The following NYAP2 variants were observed in gnomAD, a reference collection of about 807,000 sequenced individuals.
The protein encoded by NYAP2 is neuronal tyrosine-phosphorylated phosphoinositide-3-kinase adaptor 2.
NYAP2 carries 23 observed loss-of-function variants against 50.4 expected under a neutral mutation model. That is an observed-to-expected ratio of 0.46 (90% confidence interval 0.33 to 0.65). The LOEUF (loss-of-function observed/expected upper bound fraction) is 0.65, where lower values mean the gene tolerates loss of function less well. Ranked by LOEUF, NYAP2 falls within the 30% of genes least tolerant of loss-of-function variation. The pLI, the probability that NYAP2 is intolerant of heterozygous loss-of-function variation, is 0.02. For missense variants in NYAP2, 885 were observed against 861.0 expected (o/e 1.03, Z -0.35); for synonymous variants, 394 against 365.2 (o/e 1.08, Z -0.90).
intron 5 of NYAP2, among the ~76,000 whole-genome samples, chr2:225,619,192 A>C (rs1035603368): frequency 6.6e-6 from 1 of 152,238 alleles, no homozygotes; most frequent in Non-Finnish European, 1.5e-5. Flanking sequence ...ATCTTTGTTT[A>C]CAAATATGGA....
At chr2:225,473,010 C>G (rs112906915) in intron 3 of NYAP2, among the ~76,000 whole-genome samples, 1 of 152,118 alleles carries the variant, frequency 6.6e-6, no homozygotes, top group East Asian at 1.9e-4. Flanking sequence ...TTCCTGTGTC[C>G]AAGTGTTCTC....
intron 4 of NYAP2, among the ~76,000 whole-genome samples, chr2:225,567,900 CA>C (rs1425007161): frequency 6.6e-6 from 1 of 152,190 alleles, no homozygotes; most frequent in Non-Finnish European, 1.5e-5. Flanking sequence ...GAAGAAAAAT[CA>C]TACTGGCTGT....
intron 3 of NYAP2, among the ~76,000 whole-genome samples, chr2:225,497,947 T>G (rs1047502608): frequency 6.6e-6 from 1 of 152,188 alleles, no homozygotes; most frequent in Non-Finnish European, 1.5e-5. Flanking sequence ...TATTTCACTT[T>G]ATCTCTTTAC....
intron 4 of NYAP2, among the ~76,000 whole-genome samples, chr2:225,546,495 A>G (rs1222088257): frequency 6.6e-6 from 1 of 152,028 alleles, no homozygotes. Flanking sequence ...GGGTACTGTC[A>G]GGCTACTGCC....
chr2:225,557,817 G>C (rs538938177), intron 4 of NYAP2, among the ~76,000 whole-genome samples: 96 of 152,282 alleles, frequency 6.3e-4, no homozygotes, highest in Non-Finnish European at 1.2e-3. Flanking sequence ...AATAGACTAG[G>C]CTGATTGCCA....
the NYAP2 span, among the ~76,000 whole-genome samples, chr2:225,677,969 GA>G: frequency 6.6e-6 from 1 of 152,038 alleles, no homozygotes; most frequent in Admixed American, 6.6e-5. Context: ...TGAATTTTTG[GA>G]AAAGTTTCAG....
chr2:225,601,693 ATATC>A (rs745761842), intron 5 of NYAP2, among the ~76,000 whole-genome samples: 5 of 152,116 alleles, frequency 3.3e-5, no homozygotes, highest in African/African-American at 4.8e-5. Context: ...CTTCAGATAA[ATATC>A]TATCCAAGTC....
At chr2:225,665,295 C>T in the NYAP2 span, among the ~76,000 whole-genome samples, 1 of 151,738 alleles carries the variant, frequency 6.6e-6, no homozygotes, top group Admixed American at 6.6e-5. Flanking sequence ...GTTACATGCC[C>T]ATAGAATCTT....
At chr2:225,461,451 G>T (rs1689830327) in intron 3 of NYAP2, among the ~76,000 whole-genome samples, 1 of 152,240 alleles carries the variant, frequency 6.6e-6, no homozygotes, top group African/African-American at 2.4e-5. Flanking sequence ...GACCCATAGA[G>T]AAAAGTCTGT....
chr2:225,408,325 A>G (rs914524633), intron 2 of NYAP2, among the ~76,000 whole-genome samples: 2 of 152,054 alleles, frequency 1.3e-5, no homozygotes, highest in Non-Finnish European at 2.9e-5. Flanking sequence ...GAAAAGTTAT[A>G]TTAGAAATGT....
chr2:225,440,480 T>C (rs1179692005), intron 3 of NYAP2, among the ~76,000 whole-genome samples: 1 of 152,180 alleles, frequency 6.6e-6, no homozygotes, highest in East Asian at 1.9e-4. Context: ...TGGAGAAGCA[T>C]TGTGGTTCTT....
At chr2:225,643,274 C>A (rs1049260790) in intron 6 of NYAP2, among the ~76,000 whole-genome samples, 1 of 152,026 alleles carries the variant, frequency 6.6e-6, no homozygotes, top group Non-Finnish European at 1.5e-5. Flanking sequence ...GAAAGCATTT[C>A]CTAACTGGTG....
chr2:225,688,099 A>C, the NYAP2 span, among the ~76,000 whole-genome samples: 4 of 152,172 alleles, frequency 2.6e-5, no homozygotes, highest in Admixed American at 2.6e-4. Flanking sequence ...CTTAGGGAGC[A>C]TTGATTTGTG....
chr2:225,523,122 A>G (rs1354870078), intron 4 of NYAP2, among the ~76,000 whole-genome samples: 1 of 152,122 alleles, frequency 6.6e-6, no homozygotes, highest in Admixed American at 6.6e-5. Flanking sequence ...AGGGCCAGCC[A>G]CATATTTGAT....
At chr2:225,408,474 A>G (rs574012881) in intron 2 of NYAP2, among the ~76,000 whole-genome samples, 1 of 152,194 alleles carries the variant, frequency 6.6e-6, no homozygotes, top group East Asian at 1.9e-4. Flanking sequence ...TTGAACAGAA[A>G]AGTCTTTATG....
intron 5 of NYAP2, among the ~76,000 whole-genome samples, chr2:225,622,552 TCTTTCTTTTTC>T (rs1414037122): frequency 3.3e-5 from 1 of 30,646 alleles, no homozygotes; most frequent in Non-Finnish European, 6.5e-5. Context: ...TTTCTTTCTT[TCTTTCTTTTTC>T]TTTCTTTCTT....
chr2:225,569,374 A>G (rs967400617), intron 4 of NYAP2, among the ~76,000 whole-genome samples: 2 of 152,126 alleles, frequency 1.3e-5, no homozygotes, highest in African/African-American at 2.4e-5. Flanking sequence ...CAGTAAGGAA[A>G]CTTCAGATAA....
At chr2:225,618,861 G>A (rs1649733662) in intron 5 of NYAP2, among the ~76,000 whole-genome samples, 1 of 152,182 alleles carries the variant, frequency 6.6e-6, no homozygotes, top group Non-Finnish European at 1.5e-5. Flanking sequence ...AGGCAGGTAG[G>A]GGCTTTTGCC....
chr2:225,527,223 C>A (rs182397782), intron 4 of NYAP2, among the ~76,000 whole-genome samples: 73 of 152,312 alleles, frequency 4.8e-4, no homozygotes, highest in African/African-American at 1.6e-3. Context: ...ACAGATGGAG[C>A]CTTCCATGAG....
Sources: allele counts gnomAD v4.1 joint callset (sites outside exome capture counted in the v4.1 genomes callset), GRCh38; gene constraint gnomAD v4.1.1; transcripts MANE v1.5; gene names NCBI Gene and HGNC (gene_info 2026-07-23, HGNC 2026-07-21).